Variants in LRP1B observed in about 807,000 individuals in gnomAD.
The protein encoded by LRP1B is LDL receptor related protein 1B, also known as low-density lipoprotein receptor-related protein 1B.
A neutral mutation model predicts 556.6 loss-of-function variants in LRP1B; 217 were observed. That is an observed-to-expected ratio of 0.39 (90% CI 0.35 to 0.44). LRP1B has a LOEUF of 0.44. Among genes scored for constraint, LRP1B ranks in the 20% least tolerant of loss-of-function variants. LRP1B has a pLI of 1.00. For synonymous variants in LRP1B, 2,047 were observed against 1,865.8 expected, an observed-to-expected ratio of 1.10 and a Z score of -2.50; for missense variants, 5,053 against 5,620.8, an observed-to-expected ratio of 0.90 and a Z score of 3.23.
chr2:140,947,626 T>C (rs1414149981), intron 20 of LRP1B, among the ~76,000 whole-genome samples: 1 of 152,226 alleles, frequency 6.6e-6, no homozygotes, highest in Admixed American at 6.5e-5. Context: ...ACAACTTCTA[T>C]ACCAGAATAT....
At position 142,031,330 on chromosome 2, in the gene LRP1B, A is replaced by ATTTTTTTTTTTTTTTTT. The variant is rs560363480; in HGVS notation, c.82+99301_82+99317dup. Among the ~76,000 whole-genome samples the ATTTTTTTTTTTTTTTTT allele has an allele frequency of 4.1e-4, 48 of 117,014 alleles. 4 individuals carry two copies. Among genetic ancestry groups the ATTTTTTTTTTTTTTTTT allele is most frequent in the African/African-American group, 8.0e-4 (27 of 33,926 alleles). 76.8% of individuals were successfully genotyped at this position (117,014 alleles called of 152,430 possible). ...ATTTAGAGAAAGGTTGATTATACTT[A>ATTTTTTTTTTTTTTTTT]TTTTTTTTTTTTTTTTTTATTATAC... On this transcript the variant is annotated intron_variant, in intron 1 of 90. Coordinates refer to ENST00000389484, the MANE Select transcript of LRP1B (RefSeq NM_018557.3).
chr2:140,983,947 T>C (rs1440294251), intron 17 of LRP1B, among the ~76,000 whole-genome samples: 2 of 151,896 alleles, frequency 1.3e-5, no homozygotes, highest in African/African-American at 2.4e-5. Flanking sequence ...TTCTATATTG[T>C]CTCATTTAAT....
At chr2:140,535,110 A>G (rs866056361) in intron 46 of LRP1B, among the ~76,000 whole-genome samples, 6 of 152,190 alleles carry the variant, frequency 3.9e-5, no homozygotes, top group Admixed American at 6.5e-5. Flanking sequence ...GGTAAATAAT[A>G]AACAACAGAG....
intron 2 of LRP1B, among the ~76,000 whole-genome samples, chr2:141,588,055 T>C (rs1687202593): frequency 6.6e-6 from 1 of 152,218 alleles, no homozygotes; most frequent in South Asian, 2.1e-4. Context: ...GTTGGGCTTA[T>C]CTTGGAGTTT....
chr2:140,521,736 G>T (rs1389769034), intron 49 of LRP1B, among the ~76,000 whole-genome samples: 1 of 151,924 alleles, frequency 6.6e-6, no homozygotes, highest in Admixed American at 6.6e-5. Flanking sequence ...TTGTAAACTG[G>T]ATAAAAAAGC....
chr2:140,744,429 T>G (rs1362449162), intron 35 of LRP1B, among the ~76,000 whole-genome samples: 1 of 152,140 alleles, frequency 6.6e-6, no homozygotes, highest in Non-Finnish European at 1.5e-5. Flanking sequence ...TGGAGAGAAT[T>G]AAGATTGTAT....
intron 35 of LRP1B, among the ~76,000 whole-genome samples, chr2:140,726,680 T>C (rs1319361290): frequency 6.6e-6 from 1 of 152,220 alleles, no homozygotes; most frequent in Admixed American, 6.5e-5. Context: ...TTAAATTATA[T>C]AGATATTGTG....
At chr2:141,905,992 A>ATGTGTGTGTGTG (rs10588603) in intron 1 of LRP1B, among the ~76,000 whole-genome samples, 1 of 140,166 alleles carries the variant, frequency 7.1e-6, no homozygotes, top group South Asian at 2.3e-4. Context: ...TAGACAAGAG[A>ATGTGTGTGTGTG]TGTGTGTGTG....
intron 61 of LRP1B, 32 bp downstream of exon 61, chr2:140,457,431 G>A (rs775172270): frequency 6.7e-7 from 1 of 1,483,022 alleles, no homozygotes; most frequent in South Asian, 1.2e-5. Context: ...AGATGTTAAT[G>A]CATTTATGGA....
chr2:141,745,745 A>C (rs1024543764), intron 2 of LRP1B, among the ~76,000 whole-genome samples: 1 of 151,936 alleles, frequency 6.6e-6, no homozygotes, highest in African/African-American at 2.4e-5. Flanking sequence ...TTTCTCAAGC[A>C]GAAGAAGTCT....
chr2:140,829,007 T>C (rs895839654), intron 31 of LRP1B, among the ~76,000 whole-genome samples: 4 of 151,796 alleles, frequency 2.6e-5, no homozygotes, highest in Non-Finnish European at 5.9e-5. Context: ...AAAACAGACT[T>C]TAAATCAAAC....
At chr2:141,897,652 C>G (rs1699494414) in intron 1 of LRP1B, among the ~76,000 whole-genome samples, 1 of 152,102 alleles carries the variant, frequency 6.6e-6, no homozygotes, top group African/African-American at 2.4e-5. Flanking sequence ...GCATACATAT[C>G]AAAGTGCCAT....
At chr2:141,052,123 T>C (rs1239308618) in intron 10 of LRP1B, among the ~76,000 whole-genome samples, 2 of 152,176 alleles carry the variant, frequency 1.3e-5, no homozygotes, top group East Asian at 3.9e-4. Context: ...TTTTTCAATT[T>C]AGCATTTCAC....
chr2:142,004,229 A>C (rs1702739141), intron 1 of LRP1B, among the ~76,000 whole-genome samples: 1 of 152,154 alleles, frequency 6.6e-6, no homozygotes. Context: ...CCACAGAATT[A>C]TGAGGAACTG....
At chr2:140,779,751 A>AGT (rs759903694) in intron 32 of LRP1B, among the ~76,000 whole-genome samples, 2 of 86,824 alleles carry the variant, frequency 2.3e-5, no homozygotes, top group South Asian at 3.5e-4. Context: ...TCTCTCTGTG[A>AGT]GAGAGTGTGT....
intron 3 of LRP1B, among the ~76,000 whole-genome samples, chr2:141,346,291 A>C (rs1259927621): frequency 6.6e-6 from 1 of 152,032 alleles, no homozygotes; most frequent in Non-Finnish European, 1.5e-5. Context: ...AAAAAAAGCA[A>C]CCCGTTGGGT....
intron 66 of LRP1B, among the ~76,000 whole-genome samples, chr2:140,436,938 T>G (rs1306644356): frequency 6.6e-6 from 1 of 152,100 alleles, no homozygotes; most frequent in Non-Finnish European, 1.5e-5. Flanking sequence ...GGAGTTATTT[T>G]GTGATATTAA....
At chr2:141,576,285 A>T (rs753635719) in intron 2 of LRP1B, among the ~76,000 whole-genome samples, 1 of 151,960 alleles carries the variant, frequency 6.6e-6, no homozygotes, top group African/African-American at 2.4e-5. Context: ...GCAGTGACAT[A>T]GATGAAGCTG....
At chr2:141,090,990 TA>T (rs1700158293) in intron 7 of LRP1B, among the ~76,000 whole-genome samples, 1 of 152,212 alleles carries the variant, frequency 6.6e-6, no homozygotes. Flanking sequence ...CTGATAACAT[TA>T]ATTTTTAAAG....
Sources: gnomAD v4.1 joint callset for allele counts (sites outside exome capture counted in the v4.1 genomes callset) on GRCh38, gnomAD v4.1.1 for gene constraint, MANE v1.5 for transcripts, NCBI Gene and HGNC (gene_info 2026-07-23, HGNC 2026-07-21) for gene names.